The following SEMA6D variants were observed in gnomAD, a reference collection of about 807,000 sequenced individuals.
The protein encoded by SEMA6D is semaphorin-6D.
In SEMA6D, 35 loss-of-function variants were observed where a neutral mutation model predicts 106.6. That is an observed-to-expected ratio of 0.33 (90% CI 0.25 to 0.44). SEMA6D has a LOEUF of 0.44. Among genes scored for constraint, SEMA6D ranks in the 20% least tolerant of loss-of-function variants. SEMA6D has a pLI of 1.00. For synonymous variants in SEMA6D, 499 were observed against 487.7 expected, an observed-to-expected ratio of 1.02 and a Z score of -0.31; for missense variants, 1,185 against 1,345.9, an observed-to-expected ratio of 0.88 and a Z score of 1.87.
intron 4 of SEMA6D, among the ~76,000 whole-genome samples, chr15:47,658,513 A>AC (rs1409082323): frequency 2.6e-5 from 4 of 152,176 alleles, no homozygotes; most frequent in Admixed American, 2.6e-4. Flanking sequence ...GTGATATAAG[A>AC]CCCCTGAATT....
chr15:47,278,001 C>T (rs2034917516), intron 1 of SEMA6D, among the ~76,000 whole-genome samples: 1 of 152,012 alleles, frequency 6.6e-6, no homozygotes, highest in African/African-American at 2.4e-5. Flanking sequence ...TTTTCTTAAT[C>T]CAGTCTATCA....
At chr15:47,266,633 C>A (rs144316833) in intron 1 of SEMA6D, among the ~76,000 whole-genome samples, 1 of 152,166 alleles carries the variant, frequency 6.6e-6, no homozygotes, top group African/African-American at 2.4e-5. Flanking sequence ...GAAGGGAACC[C>A]CTATTTCTCA....
rs1202303531 is a variant in SEMA6D, at chr15:47,393,589, A to G, written c.-238-18804A>G. On this transcript the variant is annotated intron_variant, in intron 1 of 19. Coordinates refer to the SEMA6D transcript ENST00000558014. Reference sequence around the variant, plus strand: ...AGGAAGACCCCAAGTGTGACTTCCTATCAAATATATACAGCTTATGTATAG... The same window carrying G: ...AGGAAGACCCCAAGTGTGACTTCCTGTCAAATATATACAGCTTATGTATAG... 3 of 152,196 alleles carry G rather than the reference A, an allele frequency of 2.0e-5. No individual in the cohort carries two copies. In the East Asian group the frequency reaches 5.8e-4, roughly 29 times the overall value. The allele number at this position is 152,196 out of a possible 1,614,324, so 9.4% of individuals were successfully genotyped here.
chr15:47,757,996 A>G (rs1314810539), intron 1 of SEMA6D, among the ~76,000 whole-genome samples: 1 of 152,186 alleles, frequency 6.6e-6, no homozygotes, highest in Non-Finnish European at 1.5e-5. Context: ...AATATGTGGT[A>G]TAATTTCATC....
chr15:47,714,464 A>G (rs779008414), upstream of SEMA6D, among the ~76,000 whole-genome samples: 1 of 152,226 alleles, frequency 6.6e-6, no homozygotes, highest in Non-Finnish European at 1.5e-5. Context: ...AAGAAGTTGT[A>G]CTTTCTGATG....
At chr15:47,277,609 A>ATTATTATTTAT (rs374326382) in intron 1 of SEMA6D, among the ~76,000 whole-genome samples, 1,773 of 128,562 alleles carry the variant, frequency 0.014, 24 homozygotes, top group African/African-American at 0.043. Context: ...TATTATTATT[A>ATTATTATTTAT]TTATTTATTA....
intron 3 of SEMA6D, among the ~76,000 whole-genome samples, chr15:47,554,220 T>G (rs1026307445): frequency 1.3e-5 from 2 of 152,186 alleles, no homozygotes; most frequent in African/African-American, 2.4e-5. Context: ...GACACTCTAG[T>G]GTAGAGTCCT....
chr15:47,709,127 G>T (rs1392010487), intron 4 of SEMA6D, among the ~76,000 whole-genome samples: 2 of 152,092 alleles, frequency 1.3e-5, no homozygotes, highest in Non-Finnish European at 2.9e-5. Context: ...AAGAGAGTGG[G>T]TGGTGATATG....
intron 1 of SEMA6D, among the ~76,000 whole-genome samples, chr15:47,286,837 T>C (rs2035385441): frequency 6.6e-6 from 1 of 152,160 alleles, no homozygotes; most frequent in African/African-American, 2.4e-5. Flanking sequence ...TTATATTCAC[T>C]GTCCTAACCA....
At chr15:47,378,903 T>C (rs2039542629) in intron 1 of SEMA6D, among the ~76,000 whole-genome samples, 1 of 152,194 alleles carries the variant, frequency 6.6e-6, no homozygotes, top group Non-Finnish European at 1.5e-5. Flanking sequence ...ACAGTCAAGG[T>C]AAGCAGTTTG....
chr15:47,486,004 G>A (rs2043286246), intron 3 of SEMA6D, among the ~76,000 whole-genome samples: 2 of 152,170 alleles, frequency 1.3e-5, no homozygotes, highest in South Asian at 4.1e-4. Flanking sequence ...TAGGGCAATA[G>A]GGCCAGGTAT....
intron 2 of SEMA6D, among the ~76,000 whole-genome samples, chr15:47,429,768 T>TA (rs2041463478): frequency 6.6e-6 from 1 of 152,170 alleles, no homozygotes; most frequent in Non-Finnish European, 1.5e-5. Context: ...ATATATTTTT[T>TA]AAAAAATGTC....
chr15:47,486,266 G>A lies in SEMA6D; in HGVS notation c.-87+15721G>A, dbSNP rs1485823796. 2.0e-5 allele frequency among the ~76,000 whole-genome samples: 3 copies of A among 152,186 alleles called. No individual in the cohort carries two copies. In the East Asian group the frequency reaches 5.8e-4, roughly 29 times the overall value. ...CGTGTACTGAGTGAATTTGTAATGTGCAACTCATGTCAAGAAAATAAACAG... is the reference window on the plus strand; with the variant it reads ...CGTGTACTGAGTGAATTTGTAATGTACAACTCATGTCAAGAAAATAAACAG... On this transcript the variant is annotated intron_variant, in intron 3 of 19. Coordinates refer to the SEMA6D transcript ENST00000558014.
intron 3 of SEMA6D, among the ~76,000 whole-genome samples, chr15:47,519,873 T>C (rs2044514511): frequency 6.6e-6 from 1 of 152,220 alleles, no homozygotes; most frequent in Admixed American, 6.5e-5. Flanking sequence ...GAGAAATACA[T>C]GGTGTTGTCA....
chr15:47,489,615 T>TA (rs1479820561), intron 3 of SEMA6D, among the ~76,000 whole-genome samples: 1 of 152,110 alleles, frequency 6.6e-6, no homozygotes, highest in Non-Finnish European at 1.5e-5. Flanking sequence ...TCACTTTCCT[T>TA]TACTCATACC....
At chr15:47,700,261 T>C (rs985666669) in intron 4 of SEMA6D, among the ~76,000 whole-genome samples, 18 of 152,190 alleles carry the variant, frequency 1.2e-4, no homozygotes, top group African/African-American at 4.3e-4. Flanking sequence ...AGCTATTTTG[T>C]AAACATCAAC....
rs946949517 is a variant in SEMA6D, at chr15:47,770,493, T to C, written c.1934-4T>C. ...ATTCACATTGTCCCATGTGTCTATT[T>C]CAGGTGTACGATGGGAAGTCCAGTC... On this transcript the variant is annotated splice_polypyrimidine_tract_variant and splice_region_variant and intron_variant, in intron 18 of 18. Coordinates refer to ENST00000536845, the MANE Select transcript of SEMA6D (RefSeq NM_001358351.3). 12 of 1,577,676 alleles carry C rather than the reference T, an allele frequency of 7.6e-6. No homozygotes were observed. The East Asian group carries it at 9.0e-5, about 12-fold the overall frequency.
chr15:47,680,303 C>T (rs1162203127), intron 4 of SEMA6D, among the ~76,000 whole-genome samples: 2 of 152,316 alleles, frequency 1.3e-5, no homozygotes, highest in African/African-American at 4.8e-5. Flanking sequence ...CCATATCCCA[C>T]AGCCTGTCTT....
At chr15:47,254,400 C>G (rs1487450973) in intron 1 of SEMA6D, among the ~76,000 whole-genome samples, 1 of 150,382 alleles carries the variant, frequency 6.6e-6, no homozygotes, top group Non-Finnish European at 1.5e-5. Context: ...TTTCTCCTTT[C>G]CCATTTGGAT....
Sources: gnomAD v4.1 joint callset for allele counts (sites outside exome capture counted in the v4.1 genomes callset) on GRCh38, gnomAD v4.1.1 for gene constraint, MANE v1.5 for transcripts, NCBI Gene and HGNC (gene_info 2026-07-23, HGNC 2026-07-21) for gene names.